SUGCT: variants seen among roughly 807,000 people sequenced by gnomAD.
The protein encoded by SUGCT is succinyl-CoA:glutarate CoA-transferase.
SUGCT carries 41 observed loss-of-function variants against 55.0 expected under a neutral mutation model. The observed-to-expected ratio is 0.74, with a 90% confidence interval of 0.58 to 0.97. The LOEUF (loss-of-function observed/expected upper bound fraction) is 0.97. SUGCT is among the 50% of genes least tolerant of loss of function. SUGCT has a pLI of 0.00. For missense variants in SUGCT, 568 were observed against 547.8 expected (o/e 1.04, Z -0.37); for synonymous variants, 187 against 200.4 (o/e 0.93, Z 0.56).
chr7:40,433,235 G>T (rs1312206598), intron 9 of SUGCT, among the ~76,000 whole-genome samples: 1 of 151,742 alleles, frequency 6.6e-6, no homozygotes, highest in Non-Finnish European at 1.5e-5. Flanking sequence ...TCCTTGTGAT[G>T]ATTATTTTGA....
At chr7:40,657,631 T>C (rs1584222647) in intron 12 of SUGCT, among the ~76,000 whole-genome samples, 1 of 151,590 alleles carries the variant, frequency 6.6e-6, no homozygotes, top group Non-Finnish European at 1.5e-5. Context: ...GCCTCCCGGG[T>C]TCAAGCGATT....
chr7:40,726,430 G>A (rs534581780), intron 12 of SUGCT, among the ~76,000 whole-genome samples: 1 of 151,988 alleles, frequency 6.6e-6, no homozygotes, highest in East Asian at 1.9e-4. Context: ...AATAGGCTGA[G>A]GGGGGAGCAG....
chr7:41,011,476 G>A, the SUGCT span, among the ~76,000 whole-genome samples: 1 of 152,198 alleles, frequency 6.6e-6, no homozygotes, highest in Admixed American at 6.5e-5. Flanking sequence ...TCAAAGTGTG[G>A]TACCCCAACT....
At chr7:40,301,963 A>G (rs1481699304) in intron 8 of SUGCT, among the ~76,000 whole-genome samples, 2 of 152,154 alleles carry the variant, frequency 1.3e-5, no homozygotes, top group Non-Finnish European at 2.9e-5. Flanking sequence ...TTAATTTTTT[A>G]TTAAAGTCTG....
chr7:40,532,387 A>C (rs993510397), intron 12 of SUGCT, among the ~76,000 whole-genome samples: 1 of 152,184 alleles, frequency 6.6e-6, no homozygotes, highest in Non-Finnish European at 1.5e-5. Context: ...GGAGAGGCCT[A>C]ATGATAAGCA....
At chr7:40,451,214 G>C (rs1057396820) in intron 10 of SUGCT, among the ~76,000 whole-genome samples, 6 of 152,046 alleles carry the variant, frequency 3.9e-5, no homozygotes, top group Non-Finnish European at 7.4e-5. Flanking sequence ...ATGTTTTGGA[G>C]TTTTCTTTCT....
intron 6 of SUGCT, among the ~76,000 whole-genome samples, chr7:40,201,041 G>C (rs544410608): frequency 6.6e-6 from 1 of 151,864 alleles, no homozygotes; most frequent in Non-Finnish European, 1.5e-5. Context: ...TCTTATTTTC[G>C]GCATATTCAC....
the SUGCT span, among the ~76,000 whole-genome samples, chr7:40,997,688 C>T: frequency 6.6e-6 from 1 of 152,172 alleles, no homozygotes; most frequent in African/African-American, 2.4e-5. Flanking sequence ...TCATAATTTC[C>T]CATGTAATTT....
the SUGCT span, among the ~76,000 whole-genome samples, chr7:41,031,672 A>G: frequency 6.6e-6 from 1 of 152,152 alleles, no homozygotes; most frequent in African/African-American, 2.4e-5. Flanking sequence ...AATTTCCAGA[A>G]GGCCAACATT....
chr7:40,467,458 CTT>C (rs1032403081), intron 11 of SUGCT, among the ~76,000 whole-genome samples: 1 of 152,032 alleles, frequency 6.6e-6, no homozygotes, highest in African/African-American at 2.4e-5. Context: ...TAGTTATACT[CTT>C]TTAGTTATTT....
chr7:40,624,781 A>G (rs546799572), intron 12 of SUGCT, among the ~76,000 whole-genome samples: 439 of 126,348 alleles, frequency 3.5e-3, no homozygotes, highest in Admixed American at 8.8e-3. Flanking sequence ...AAACACACAC[A>G]CACACACACA....
At chr7:40,534,634 G>C (rs943720352) in intron 12 of SUGCT, among the ~76,000 whole-genome samples, 1 of 152,180 alleles carries the variant, frequency 6.6e-6, no homozygotes, top group African/African-American at 2.4e-5. Context: ...GGCCAGACTG[G>C]TCTTGAACTC....
chr7:40,180,222 CA>C (rs1286656238), intron 1 of SUGCT, among the ~76,000 whole-genome samples: 3 of 151,560 alleles, frequency 2.0e-5, no homozygotes, highest in Non-Finnish European at 2.9e-5. Context: ...CTCCCGGGTT[CA>C]AAGGATCCTC....
intron 12 of SUGCT, among the ~76,000 whole-genome samples, chr7:40,626,374 AG>A (rs1799528911): frequency 6.9e-6 from 1 of 144,234 alleles, no homozygotes; most frequent in African/African-American, 2.9e-5. Context: ...CTCCTGCTTC[AG>A]CCTCCTGAGC....
chr7:40,347,513 T>C (rs1346721178), intron 9 of SUGCT, among the ~76,000 whole-genome samples: 1 of 152,184 alleles, frequency 6.6e-6, no homozygotes, highest in East Asian at 1.9e-4. Context: ...ATGCTTATAG[T>C]AAAATGGGAG....
At chr7:40,565,071 T>C (rs1473656424) in intron 12 of SUGCT, among the ~76,000 whole-genome samples, 5 of 152,184 alleles carry the variant, frequency 3.3e-5, no homozygotes, top group African/African-American at 4.8e-5. Context: ...ACTAAAAATA[T>C]GTTGTGGATG....
At chr7:40,908,251 C>T in the SUGCT span, among the ~76,000 whole-genome samples, 20 of 151,600 alleles carry the variant, frequency 1.3e-4, no homozygotes, top group South Asian at 6.3e-4. Flanking sequence ...GGCGTGGTGG[C>T]GGGTGCCTGT....
intron 13 of SUGCT, among the ~76,000 whole-genome samples, chr7:40,782,055 ATCTT>A (rs1563000957): frequency 6.6e-6 from 1 of 152,074 alleles, no homozygotes; most frequent in Non-Finnish European, 1.5e-5. Flanking sequence ...TATCTTCTTT[ATCTT>A]TCTTCAGTAT....
At chr7:40,316,255 G>A (rs1795427705) in intron 8 of SUGCT, among the ~76,000 whole-genome samples, 1 of 152,118 alleles carries the variant, frequency 6.6e-6, no homozygotes, top group South Asian at 2.1e-4. Context: ...TGGCTAAACT[G>A]ACTTAAATAA....
Sources: allele counts gnomAD v4.1 joint callset (sites outside exome capture counted in the v4.1 genomes callset), GRCh38; gene constraint gnomAD v4.1.1; transcripts MANE v1.5; gene names NCBI Gene and HGNC (gene_info 2026-07-23, HGNC 2026-07-21).